Variants in ADGRG2 observed in about 807,000 individuals in gnomAD.
ADGRG2 encodes adhesion G protein-coupled receptor G2.
Under a neutral mutation model 74.1 loss-of-function variants are expected in ADGRG2, and 26 were observed. The ratio of observed to expected loss-of-function variants is 0.35; its 90% CI spans 0.26 to 0.49. The LOEUF is 0.49. ADGRG2 is among the 20% of genes least tolerant of loss of function. ADGRG2 has a pLI of 0.99. For synonymous variants in ADGRG2, 296 were observed against 295.2 expected (o/e 1.00, Z -0.03); for missense variants, 619 against 763.1 (o/e 0.81, Z 2.22).
At chrX:19,010,148 T>TCTCA (rs1168996193) in intron 17 of ADGRG2, among the ~76,000 whole-genome samples, 2 of 97,674 alleles carry the variant, frequency 2.0e-5, no homozygotes, top group Non-Finnish European at 4.1e-5. Flanking sequence ...TGAGACAGAG[T>TCTCA]CTCACTCTGC....
rs1283290384 is a variant in ADGRG2, at chrX:19,001,481, T to C, written c.2230+1365A>G. ...ATTTAATGCCTTTGCGCTTGTACCT[T>C]CTGGTGACCCTGACATATGATAATT... On this transcript the variant is annotated intron_variant, in intron 24 of 28. Coordinates refer to ENST00000379869, the MANE Select transcript of ADGRG2 (RefSeq NM_001079858.3). 8.1e-5 allele frequency among the ~76,000 whole-genome samples: 9 copies of C among 111,752 alleles called. No individual in the cohort carries two copies. The East Asian group carries it at 2.5e-3, about 31-fold the overall frequency.
intron 14 of ADGRG2, among the ~76,000 whole-genome samples, chrX:19,020,619 A>G (rs764037592): frequency 9.0e-6 from 1 of 111,350 alleles, no homozygotes; most frequent in African/African-American, 3.3e-5. Context: ...AAAGTAAAAT[A>G]AAATAAAAAA....
chrX:19,055,311 T>C (rs2061394621), intron 3 of ADGRG2, among the ~76,000 whole-genome samples: 1 of 111,947 alleles, frequency 8.9e-6, no homozygotes, highest in South Asian at 3.7e-4. Context: ...TGCACGCACC[T>C]TAGTGGTTCT....
intron 3 of ADGRG2, among the ~76,000 whole-genome samples, chrX:19,065,843 G>A (rs1032929278): frequency 2.7e-5 from 3 of 111,656 alleles, no homozygotes; most frequent in African/African-American, 9.8e-5. Flanking sequence ...TGTGAGAATA[G>A]TTTAGATTTT....
chrX:19,051,022 C>A (rs1226972940), intron 3 of ADGRG2, among the ~76,000 whole-genome samples: 1 of 111,759 alleles, frequency 8.9e-6, no homozygotes, highest in East Asian at 2.8e-4. Context: ...CGTGGTGATA[C>A]GATTAAAACT....
intron 1 of ADGRG2, among the ~76,000 whole-genome samples, chrX:19,113,717 C>T (rs958901923): frequency 1.6e-4 from 18 of 111,752 alleles, no homozygotes; most frequent in African/African-American, 5.9e-4. Flanking sequence ...ATGGGGTGTT[C>T]TTTGTACTTT....
At chrX:19,112,029 AC>A (rs1348924660) in intron 1 of ADGRG2, among the ~76,000 whole-genome samples, 1 of 110,442 alleles carries the variant, frequency 9.1e-6, no homozygotes, top group Non-Finnish European at 1.9e-5. Flanking sequence ...AATAGATCAT[AC>A]AAAAATCATC....
At chrX:19,082,072 C>CA (rs57534658) in intron 2 of ADGRG2, among the ~76,000 whole-genome samples, 1,255 of 21,124 alleles carry the variant, frequency 0.059, 149 homozygotes, top group Middle Eastern at 0.12. Flanking sequence ...GACCCTGTCT[C>CA]AAAAAAAAAA....
chrX:19,110,578 C>T (rs2062392969), intron 1 of ADGRG2, among the ~76,000 whole-genome samples: 1 of 108,878 alleles, frequency 9.2e-6, no homozygotes, highest in Non-Finnish European at 1.9e-5. Context: ...CCCAGCTACT[C>T]AGGAGGCTGA....
chrX:19,100,882 G>A (rs1433301308), intron 1 of ADGRG2, among the ~76,000 whole-genome samples: 1 of 113,287 alleles, frequency 8.8e-6, no homozygotes, highest in Non-Finnish European at 1.9e-5. Flanking sequence ...AAAAGCGATG[G>A]CAAATGAAAG....
chrX:19,103,416 C>A (rs189016464), intron 1 of ADGRG2, among the ~76,000 whole-genome samples: 129 of 111,872 alleles, frequency 1.2e-3, no homozygotes, highest in African/African-American at 4.0e-3. Context: ...AGAAATAACT[C>A]TAAGTATTCT....
intron 26 of ADGRG2, among the ~76,000 whole-genome samples, chrX:18,998,150 A>G (rs1351204393): frequency 8.9e-6 from 1 of 111,948 alleles, no homozygotes; most frequent in Admixed American, 9.5e-5. Context: ...GTCCCAGGGC[A>G]GCAACTTCTT....
rs756944152 is a variant in ADGRG2 at position 19,021,211 on chromosome X, A to C, written c.549-13T>G. ...ACAATTTAATGTGCTGTAAGGAGAAATATACATAACCAGAATGTTACTAAA... is the reference window on the plus strand; with the variant it reads ...ACAATTTAATGTGCTGTAAGGAGAACTATACATAACCAGAATGTTACTAAA... On this transcript the variant is annotated splice_polypyrimidine_tract_variant and intron_variant, in intron 13 of 28. Transcript: ENST00000379869. 2 of 823,309 alleles carry C rather than the reference A, an allele frequency of 2.4e-6. No homozygotes were observed. The highest frequency in any genetic ancestry group is 4.2e-5 in the South Asian group (2 of 47,696). The allele number at this position is 823,309 out of a possible 1,213,427, so 67.8% of individuals were successfully genotyped here. A position where few individuals can be genotyped will look rare whatever the true frequency, so the allele number is the denominator to read the frequency against.
At chrX:19,119,978 C>T (rs1169641425) in intron 1 of ADGRG2, among the ~76,000 whole-genome samples, 1 of 111,971 alleles carries the variant, frequency 8.9e-6, no homozygotes, top group African/African-American at 3.2e-5. Context: ...TAGAAAAATA[C>T]ACACACCTGG....
chrX:19,077,628 C>T (rs776781285), intron 2 of ADGRG2, among the ~76,000 whole-genome samples: 1 of 110,191 alleles, frequency 9.1e-6, no homozygotes, highest in Non-Finnish European at 1.9e-5. Context: ...CAATTATATG[C>T]TATTTACAAG....
At chrX:19,094,728 C>T (rs990559769) in intron 1 of ADGRG2, among the ~76,000 whole-genome samples, 24 of 112,651 alleles carry the variant, frequency 2.1e-4, no homozygotes, top group Admixed American at 5.6e-4. Context: ...CTGCTTACCA[C>T]GCATTCCAGT....
chrX:18,997,717 T>A (rs2060044055), intron 26 of ADGRG2, among the ~76,000 whole-genome samples: 1 of 112,027 alleles, frequency 8.9e-6, no homozygotes, highest in Non-Finnish European at 1.9e-5. Context: ...ACAACCAAAT[T>A]CGGCATTTGA....
intron 18 of ADGRG2, among the ~76,000 whole-genome samples, chrX:19,008,756 A>T (rs1395127063): frequency 8.9e-6 from 1 of 112,183 alleles, no homozygotes; most frequent in Non-Finnish European, 1.9e-5. Context: ...AATAGTTGAA[A>T]AGTGCAAGAT....
intron 3 of ADGRG2, 45 bp downstream of exon 3, chrX:19,068,672 C>A (rs770807454): frequency 1.8e-6 from 1 of 545,073 alleles, no homozygotes; most frequent in South Asian, 3.8e-5. Flanking sequence ...TACACACATG[C>A]AGATAAACAG....
Sources: allele counts gnomAD v4.1 joint callset (sites outside exome capture counted in the v4.1 genomes callset), GRCh38; gene constraint gnomAD v4.1.1; transcripts MANE v1.5; gene names NCBI Gene and HGNC (gene_info 2026-07-23, HGNC 2026-07-21).